The following CBFB variants were observed in gnomAD, a reference collection of about 807,000 sequenced individuals.
The protein encoded by CBFB is CBF-beta.
Under a neutral mutation model 30.4 loss-of-function variants are expected in CBFB, and 9 were observed. The ratio of observed to expected loss-of-function variants is 0.30; its 90% CI spans 0.18 to 0.52. CBFB has a LOEUF of 0.52. Among genes scored for constraint, CBFB ranks in the 20% least tolerant of loss-of-function variants. The pLI is 0.97. For synonymous variants in CBFB, 94 were observed against 84.0 expected (o/e 1.12, Z -0.65); for missense variants, 170 against 244.0 (o/e 0.70, Z 2.02).
chr16:67,091,930 A>G (rs369350974), intron 5 of CBFB, among the ~76,000 whole-genome samples: 15 of 151,850 alleles, frequency 9.9e-5, no homozygotes, highest in African/African-American at 3.4e-4. Flanking sequence ...CTGGAGTGCA[A>G]TTGCACGATC....
chr16:67,051,912 T>TACACAC (rs112469458), intron 3 of CBFB, among the ~76,000 whole-genome samples: 65 of 144,020 alleles, frequency 4.5e-4, no homozygotes, highest in African/African-American at 5.6e-4. Flanking sequence ...TATATGTGTA[T>TACACAC]ACACACACAC....
intron 3 of CBFB, among the ~76,000 whole-genome samples, chr16:67,040,285 C>A (rs1966507988): frequency 6.6e-6 from 1 of 152,238 alleles, no homozygotes; most frequent in Admixed American, 6.5e-5. Context: ...GATTCCAAAT[C>A]AGTGTCTTCT....
chr16:67,054,239 T>A (rs1960648177), intron 3 of CBFB, among the ~76,000 whole-genome samples: 1 of 152,096 alleles, frequency 6.6e-6, no homozygotes, highest in South Asian at 2.1e-4. Context: ...GTCTTTATTC[T>A]ACGATACTTT....
chr16:67,044,820 G>A (rs189909253), intron 3 of CBFB, among the ~76,000 whole-genome samples: 81 of 152,276 alleles, frequency 5.3e-4, no homozygotes, highest in African/African-American at 1.8e-3. Context: ...AGCTCAAGAA[G>A]TTCCTTCTCT....
intron 5 of CBFB, among the ~76,000 whole-genome samples, chr16:67,084,847 C>G (rs1469544799): frequency 6.6e-6 from 1 of 152,040 alleles, no homozygotes; most frequent in Non-Finnish European, 1.5e-5. Context: ...GAATCTGGCT[C>G]TGTCATTTAC....
At chr16:67,075,577 T>C (rs1057207335) in intron 4 of CBFB, among the ~76,000 whole-genome samples, 13 of 152,072 alleles carry the variant, frequency 8.5e-5, no homozygotes, top group African/African-American at 1.7e-4. Context: ...TATATATATA[T>C]ACACACACTA....
Position 67,084,165 on chromosome 16 carries a change from CAAAAA to C in CBFB, c.495+1877_495+1881del, listed in dbSNP as rs368748767. ...TGGATGACAGAGCAGGACCCTACCT[CAAAAA>C]AAAAAAAAAAAAAAAAAAAGTATAT... On this transcript the variant is annotated intron_variant, in intron 5 of 5. Coordinates refer to ENST00000412916, the MANE Select transcript of CBFB (RefSeq NM_022845.3). Among the ~76,000 whole-genome samples, 161 of 54,334 alleles carry C rather than the reference CAAAAA, an allele frequency of 3.0e-3. 2 individuals are homozygous for C. The East Asian group carries it at 0.061, about 21-fold the overall frequency. The allele number at this position is 54,334 out of a possible 152,430, so 35.6% of individuals were successfully genotyped here.
At chr16:67,046,095 G>A (rs1171572586) in intron 3 of CBFB, among the ~76,000 whole-genome samples, 19 of 150,288 alleles carry the variant, frequency 1.3e-4, no homozygotes, top group Admixed American at 1.3e-3. Flanking sequence ...CACTGTGCCT[G>A]GCCTTTTTTG....
At chr16:67,036,928 C>T (rs187574026) in intron 3 of CBFB, among the ~76,000 whole-genome samples, 173 bp downstream of exon 3, 8 of 151,200 alleles carry the variant, frequency 5.3e-5, no homozygotes, top group East Asian at 3.9e-4. Context: ...AATGGCGTTT[C>T]GCTCTTGTTG....
At chr16:67,075,217 G>T (rs1192941080) in intron 4 of CBFB, among the ~76,000 whole-genome samples, 1 of 135,112 alleles carries the variant, frequency 7.4e-6, no homozygotes, top group South Asian at 2.3e-4. Flanking sequence ...GTGTGTGTGT[G>T]TGTGTGTGTG....
At chr16:67,080,877 G>A (rs1431367268) in intron 4 of CBFB, among the ~76,000 whole-genome samples, 1 of 152,138 alleles carries the variant, frequency 6.6e-6, no homozygotes, top group African/African-American at 2.4e-5. Context: ...GAAAACGGAA[G>A]AGCATTTTCA....
intron 3 of CBFB, among the ~76,000 whole-genome samples, chr16:67,049,212 A>G (rs766736378): frequency 3.3e-5 from 5 of 149,912 alleles, no homozygotes; most frequent in South Asian, 2.1e-4. Context: ...TTTTTTATTT[A>G]TTTACTTATT....
At chr16:67,049,697 G>T (rs1966705352) in intron 3 of CBFB, among the ~76,000 whole-genome samples, 1 of 151,900 alleles carries the variant, frequency 6.6e-6, no homozygotes, top group Non-Finnish European at 1.5e-5. Flanking sequence ...ATGTTGCTTA[G>T]GGTGGTCTCG....
intron 5 of CBFB, among the ~76,000 whole-genome samples, chr16:67,094,469 C>G (rs1373013719): frequency 1.3e-5 from 2 of 152,122 alleles, no homozygotes; most frequent in Non-Finnish European, 2.9e-5. Context: ...GGGAAAACTC[C>G]AGCTGCTGAT....
intron 5 of CBFB, among the ~76,000 whole-genome samples, chr16:67,082,983 T>C (rs1301898469): frequency 6.6e-6 from 1 of 152,110 alleles, no homozygotes; most frequent in African/African-American, 2.4e-5. Flanking sequence ...GGTCAAAAAA[T>C]AAAACTTTGA....
chr16:67,029,674 C>T, intron 1 of CBFB, 53 bp from the exon 2 acceptor site: 2 of 1,485,824 alleles, frequency 1.3e-6, no homozygotes, highest in Non-Finnish European at 1.8e-6. Flanking sequence ...AGGGCGGGCG[C>T]GCGGGCGGCG....
At chr16:67,094,155 C>T (rs1184096817) in intron 5 of CBFB, among the ~76,000 whole-genome samples, 1 of 142,918 alleles carries the variant, frequency 7.0e-6, no homozygotes, top group East Asian at 2.1e-4. Flanking sequence ...ATGGGGATCT[C>T]ACTATGTTGG....
chr16:67,072,020 T>C (rs1172747160), intron 4 of CBFB, among the ~76,000 whole-genome samples: 2 of 152,170 alleles, frequency 1.3e-5, no homozygotes, highest in African/African-American at 4.8e-5. Context: ...GAAATAACTC[T>C]TCTGAATTAA....
intron 5 of CBFB, among the ~76,000 whole-genome samples, chr16:67,084,789 G>T (rs1961673684): frequency 6.6e-6 from 1 of 151,870 alleles, no homozygotes; most frequent in African/African-American, 2.4e-5. Context: ...GCGTGCATGG[G>T]TGCAGACAGT....
Sources: gnomAD v4.1 joint callset for allele counts (sites outside exome capture counted in the v4.1 genomes callset) on GRCh38, gnomAD v4.1.1 for gene constraint, MANE v1.5 for transcripts, NCBI Gene and HGNC (gene_info 2026-07-23, HGNC 2026-07-21) for gene names.